Variants in NTNG1 observed in about 807,000 individuals in gnomAD.
NTNG1 encodes the protein netrin G1.
In NTNG1, 16 loss-of-function variants were observed where a neutral mutation model predicts 54.0. The observed-to-expected ratio is 0.30, with a 90% CI of 0.20 to 0.45. NTNG1 has a LOEUF of 0.45. NTNG1 is among the 20% of genes least tolerant of loss of function. The pLI, the probability that NTNG1 is intolerant of heterozygous loss-of-function variation, is 1.00. For synonymous variants in NTNG1, 255 were observed against 263.1 expected (o/e 0.97, Z 0.30); for missense variants, 530 against 678.7 (o/e 0.78, Z 2.43).
chr1:107,473,095 C>T (rs1186829410), intron 7 of NTNG1, among the ~76,000 whole-genome samples: 18 of 152,138 alleles, frequency 1.2e-4, no homozygotes, highest in Admixed American at 1.0e-3. Context: ...TCTCAGCAAT[C>T]CTGGGCTTGT....
chr1:107,257,573 G>T (rs1663010464), intron 2 of NTNG1, among the ~76,000 whole-genome samples: 1 of 152,132 alleles, frequency 6.6e-6, no homozygotes, highest in South Asian at 2.1e-4. Context: ...CTACACAGCG[G>T]CTCCAGTCAC....
intron 5 of NTNG1, among the ~76,000 whole-genome samples, chr1:107,417,126 C>T (rs976324731): frequency 2.6e-5 from 4 of 152,062 alleles, no homozygotes; most frequent in African/African-American, 9.7e-5. Flanking sequence ...AAGCAACATT[C>T]AGTCAATTGA....
chr1:107,415,063 A>G (rs1255377262), intron 5 of NTNG1, among the ~76,000 whole-genome samples: 2 of 152,182 alleles, frequency 1.3e-5, no homozygotes, highest in Non-Finnish European at 2.9e-5. Flanking sequence ...TTTGGTCTCC[A>G]TACTACATAT....
chr1:107,268,362 G>A (rs1482359479), intron 2 of NTNG1, among the ~76,000 whole-genome samples: 1 of 152,094 alleles, frequency 6.6e-6, no homozygotes, highest in African/African-American at 2.4e-5. Context: ...GGTTCCAAGG[G>A]TGAGATCTCA....
chr1:107,228,640 C>T (rs1250571492), intron 2 of NTNG1, among the ~76,000 whole-genome samples: 1 of 152,132 alleles, frequency 6.6e-6, no homozygotes, highest in Non-Finnish European at 1.5e-5. Context: ...ACAATAAATT[C>T]ATTGTGCAGG....
At chr1:107,382,520 T>C (rs1200227811) in intron 3 of NTNG1, among the ~76,000 whole-genome samples, 2 of 152,242 alleles carry the variant, frequency 1.3e-5, no homozygotes, top group African/African-American at 2.4e-5. Context: ...GCATTGACTA[T>C]AATTATGACA....
intron 3 of NTNG1, among the ~76,000 whole-genome samples, chr1:107,349,092 C>T (rs1283482859): frequency 1.3e-5 from 2 of 152,116 alleles, no homozygotes; most frequent in African/African-American, 4.8e-5. Context: ...GCCACAGAGC[C>T]TTCTTCTGTT....
intron 2 of NTNG1, among the ~76,000 whole-genome samples, chr1:107,157,678 A>T (rs1172871121): frequency 6.6e-6 from 1 of 152,084 alleles, no homozygotes; most frequent in Non-Finnish European, 1.5e-5. Flanking sequence ...AGATGCATTT[A>T]TTGAGAGGGT....
intron 4 of NTNG1, among the ~76,000 whole-genome samples, chr1:107,396,195 G>A (rs1448263794): frequency 6.6e-6 from 1 of 152,164 alleles, no homozygotes; most frequent in Non-Finnish European, 1.5e-5. Flanking sequence ...ACTAACAGAA[G>A]CAGCCGGACA....
At chr1:107,447,442 CG>C (rs1384843887) in intron 7 of NTNG1, among the ~76,000 whole-genome samples, 1 of 152,020 alleles carries the variant, frequency 6.6e-6, no homozygotes, top group Non-Finnish European at 1.5e-5. Flanking sequence ...GTTATTTGGG[CG>C]TACTAGTAAG....
chr1:107,253,936 G>A (rs572581110), intron 2 of NTNG1, among the ~76,000 whole-genome samples: 8 of 152,198 alleles, frequency 5.3e-5, no homozygotes, highest in South Asian at 2.1e-4. Flanking sequence ...ACTGAAAACC[G>A]ATTAGATTAA....
intron 4 of NTNG1, among the ~76,000 whole-genome samples, chr1:107,401,243 G>A: frequency 6.6e-6 from 1 of 152,132 alleles, no homozygotes; most frequent in Non-Finnish European, 1.5e-5. Context: ...TACTGCCTGG[G>A]TGGCTTGACT....
intron 2 of NTNG1, among the ~76,000 whole-genome samples, chr1:107,195,577 C>T (rs1364692102): frequency 4.6e-5 from 7 of 151,750 alleles, no homozygotes; most frequent in Admixed American, 2.0e-4. Context: ...TCCTATCCTT[C>T]ACTATTTCTG....
chr1:107,406,417 A>G (rs1673421434), intron 4 of NTNG1, among the ~76,000 whole-genome samples: 1 of 152,168 alleles, frequency 6.6e-6, no homozygotes, highest in Non-Finnish European at 1.5e-5. Context: ...ACCATGTGTC[A>G]GACATTTTTA....
At chr1:107,388,723 T>G (rs963085152) in intron 3 of NTNG1, among the ~76,000 whole-genome samples, 2 of 152,218 alleles carry the variant, frequency 1.3e-5, no homozygotes, top group Non-Finnish European at 2.9e-5. Flanking sequence ...TCTATTTCAG[T>G]GTCCCAGTGT....
intron 2 of NTNG1, among the ~76,000 whole-genome samples, chr1:107,169,980 AC>A (rs970056711): frequency 3.9e-5 from 6 of 152,162 alleles, no homozygotes; most frequent in African/African-American, 1.4e-4. Flanking sequence ...GGAAGACTCA[AC>A]TCTGCTTCTA....
At chr1:107,277,577 C>G (rs1664560782) in intron 2 of NTNG1, among the ~76,000 whole-genome samples, 1 of 152,126 alleles carries the variant, frequency 6.6e-6, no homozygotes, top group African/African-American at 2.4e-5. Context: ...AAAATTAAAA[C>G]ACTACAGGAA....
At chr1:107,185,305 G>A (rs1285781459) in intron 2 of NTNG1, among the ~76,000 whole-genome samples, 1 of 152,168 alleles carries the variant, frequency 6.6e-6, no homozygotes, top group Non-Finnish European at 1.5e-5. Flanking sequence ...CACTCCCTGT[G>A]AAGGCTCTGG....
At chr1:107,347,582 G>A (rs1226595736) in intron 3 of NTNG1, among the ~76,000 whole-genome samples, 1 of 152,160 alleles carries the variant, frequency 6.6e-6, no homozygotes, top group Non-Finnish European at 1.5e-5. Context: ...AGCATATAGT[G>A]TGCTGCACTT....
Sources: gnomAD v4.1 joint callset for allele counts (sites outside exome capture counted in the v4.1 genomes callset) on GRCh38, gnomAD v4.1.1 for gene constraint, MANE v1.5 for transcripts, NCBI Gene and HGNC (gene_info 2026-07-23, HGNC 2026-07-21) for gene names.